Variants in KIF26B observed in about 807,000 individuals in gnomAD.
KIF26B encodes kinesin-like protein KIF26B.
In KIF26B, 63 loss-of-function variants were observed where a neutral mutation model predicts 151.2. That is an observed-to-expected ratio of 0.42 (90% CI 0.34 to 0.51). The LOEUF is 0.51. Among genes scored for constraint, KIF26B ranks in the 20% least tolerant of loss-of-function variants. The pLI is 0.07. For synonymous variants in KIF26B, 1,357 were observed against 1,262.1 expected (o/e 1.08, Z -1.59); for missense variants, 2,813 against 2,913.6 (o/e 0.97, Z 0.79).
At chr1:245,384,941 A>T (rs1327056735) in intron 3 of KIF26B, among the ~76,000 whole-genome samples, 1 of 152,140 alleles carries the variant, frequency 6.6e-6, no homozygotes, top group Non-Finnish European at 1.5e-5. Flanking sequence ...CATACATCTT[A>T]TGTCTTTTTC....
intron 4 of KIF26B, among the ~76,000 whole-genome samples, chr1:245,462,533 C>T (rs938823502): frequency 6.6e-6 from 1 of 152,162 alleles, no homozygotes; most frequent in Non-Finnish European, 1.5e-5. Flanking sequence ...CAGTGACTGT[C>T]CTGGGAGGAA....
chr1:245,343,364 T>G (rs1672375430), intron 2 of KIF26B, among the ~76,000 whole-genome samples: 1 of 127,586 alleles, frequency 7.8e-6, no homozygotes, highest in Non-Finnish European at 1.7e-5. Context: ...CCATGCAATC[T>G]TTTTTTTTTT....
At chr1:245,652,788 T>A in intron 10 of KIF26B, among the ~76,000 whole-genome samples, 1 of 152,148 alleles carries the variant, frequency 6.6e-6, no homozygotes, top group East Asian at 1.9e-4. Context: ...TTCACTGAAT[T>A]GGGAACAGAA....
intron 2 of KIF26B, among the ~76,000 whole-genome samples, chr1:245,212,555 T>C (rs1045821772): frequency 2.0e-5 from 3 of 152,254 alleles, no homozygotes; most frequent in Non-Finnish European, 4.4e-5. Context: ...CCCCCAATCC[T>C]ACGGGTGAAT....
intron 10 of KIF26B, among the ~76,000 whole-genome samples, chr1:245,668,451 T>C (rs2044242233): frequency 6.6e-6 from 1 of 152,236 alleles, no homozygotes; most frequent in Non-Finnish European, 1.5e-5. Context: ...TTCCTCCACA[T>C]CATTCTCCTT....
intron 2 of KIF26B, among the ~76,000 whole-genome samples, chr1:245,320,551 TAAA>T (rs1424026167): frequency 1.3e-5 from 2 of 152,354 alleles, no homozygotes; most frequent in South Asian, 2.1e-4. Flanking sequence ...GACAAATGAA[TAAA>T]GACCCAGTGA....
chr1:245,203,656 T>C (rs542532802), intron 2 of KIF26B, among the ~76,000 whole-genome samples: 4 of 152,200 alleles, frequency 2.6e-5, no homozygotes, highest in Non-Finnish European at 5.9e-5. Flanking sequence ...AATCAGGAAG[T>C]GGACTTTTAC....
chr1:245,362,995 G>A (rs1672858359), intron 2 of KIF26B, among the ~76,000 whole-genome samples: 1 of 152,158 alleles, frequency 6.6e-6, no homozygotes, highest in African/African-American at 2.4e-5. Flanking sequence ...CTCTGATCCA[G>A]GATGGATCAG....
At chr1:245,634,632 G>GT (rs926171001) in intron 9 of KIF26B, among the ~76,000 whole-genome samples, 14 of 151,810 alleles carry the variant, frequency 9.2e-5, no homozygotes, top group African/African-American at 2.7e-4. Flanking sequence ...TATTGATTAG[G>GT]TTTTTTTTGT....
At chr1:245,508,407 A>T (rs530405096) in intron 4 of KIF26B, among the ~76,000 whole-genome samples, 2 of 152,064 alleles carry the variant, frequency 1.3e-5, no homozygotes, top group African/African-American at 4.8e-5. Context: ...CGCCCGGCTA[A>T]TTTTTTGTAT....
chr1:245,173,431 T>A (rs1668747120), intron 2 of KIF26B, among the ~76,000 whole-genome samples: 1 of 152,178 alleles, frequency 6.6e-6, no homozygotes, highest in South Asian at 2.1e-4. Flanking sequence ...GGAAGTGATA[T>A]CCCTGTGCAC....
intron 2 of KIF26B, among the ~76,000 whole-genome samples, chr1:245,327,046 G>A (rs1223531103): frequency 6.6e-6 from 1 of 152,200 alleles, no homozygotes; most frequent in Non-Finnish European, 1.5e-5. Flanking sequence ...GTTCAGCAAT[G>A]TTGGAACCAA....
intron 4 of KIF26B, among the ~76,000 whole-genome samples, chr1:245,522,091 G>A (rs148609986): frequency 1.1e-4 from 17 of 152,070 alleles, no homozygotes; most frequent in South Asian, 1.0e-3. Flanking sequence ...GGATGGTCTC[G>A]ATCTCCTGAC....
In KIF26B at chr1:245,704,311, C is replaced by A. The variant is rs901044142; in HGVS notation, c.*1705C>A. ...GCCACTCCCCAAGCGGGGAAAAAAA[C>A]ACTACGTTTCTTGGTCAGTGTACCT... On this transcript the variant is annotated 3_prime_UTR_variant, in exon 15 of 15. Coordinates refer to ENST00000407071, the MANE Select transcript of KIF26B (RefSeq NM_018012.4). 1 of 152,250 alleles carries A rather than the reference C, an allele frequency of 6.6e-6. No individual in the cohort carries two copies. Among genetic ancestry groups the A allele is most frequent in the Non-Finnish European group, 1.5e-5 (1 of 68,070 alleles). 9.4% of individuals were successfully genotyped at this position (152,250 alleles called of 1,614,324 possible).
At chr1:245,627,382 AC>A (rs1375860245) in intron 9 of KIF26B, among the ~76,000 whole-genome samples, 1 of 152,172 alleles carries the variant, frequency 6.6e-6, no homozygotes, top group Admixed American at 6.5e-5. Context: ...TGGAAATTGA[AC>A]AACCTGCTCC....
rs2043392569 is a variant in KIF26B, at chr1:245,601,223, C to G, written c.1351-1354C>G. Among the ~76,000 whole-genome samples, 1 of 152,192 alleles carries G rather than the reference C, an allele frequency of 6.6e-6. No homozygotes were observed. The highest frequency in any genetic ancestry group is 6.5e-5 in the Admixed American group (1 of 15,282). On this transcript the variant is annotated intron_variant, in intron 5 of 14. Transcript: ENST00000407071. The surrounding 1 kb of genome is among the most constrained non-coding windows in gnomAD (Gnocchi z 4.4). Reference sequence around the variant, plus strand: ...TTCCGGATCTCCACGGAGAACTGTTCTTAAGTTAGAAGGCAAGCACAGCGG... The same window carrying G: ...TTCCGGATCTCCACGGAGAACTGTTGTTAAGTTAGAAGGCAAGCACAGCGG...
chr1:245,218,027 C>T lies in KIF26B; in HGVS notation c.465+61344C>T, dbSNP rs999137175. On this transcript the variant is annotated intron_variant, in intron 2 of 14. Coordinates refer to ENST00000407071, the MANE Select transcript of KIF26B (RefSeq NM_018012.4). The surrounding 1 kb of genome is among the most constrained non-coding windows in gnomAD (Gnocchi z 4.1). ...CTGCATTCTTTCCAAAGCCCCCATGCGGTGACTCAGTATTTGGCCATTTTT... is the reference window on the plus strand; with the variant it reads ...CTGCATTCTTTCCAAAGCCCCCATGTGGTGACTCAGTATTTGGCCATTTTT... Among the ~76,000 whole-genome samples the T allele has an allele frequency of 1.3e-5, 2 of 152,162 alleles. No individual in the cohort carries two copies. The highest frequency in any genetic ancestry group is 2.9e-5 in the Non-Finnish European group (2 of 68,022).
At chr1:245,270,199 CCCTTCCCTTTCTT>C (rs1238071488) in intron 2 of KIF26B, among the ~76,000 whole-genome samples, 20 of 135,772 alleles carry the variant, frequency 1.5e-4, no homozygotes, top group Middle Eastern at 3.9e-3. Context: ...TTCTTCTTTT[CCCTTCCCTTTCTT>C]CTTCCCTTCC....
intron 5 of KIF26B, among the ~76,000 whole-genome samples, chr1:245,590,301 C>T (rs1384603386): frequency 6.6e-6 from 1 of 152,064 alleles, no homozygotes; most frequent in Non-Finnish European, 1.5e-5. Flanking sequence ...GCCCCCGGGG[C>T]GGCTGGGCCC....
Sources: allele counts gnomAD v4.1 joint callset (sites outside exome capture counted in the v4.1 genomes callset), GRCh38; gene constraint gnomAD v4.1.1; non-coding constraint Gnocchi (gnomAD v3.1); transcripts MANE v1.5; gene names NCBI Gene and HGNC (gene_info 2026-07-23, HGNC 2026-07-21).